Variants in FHIT observed in about 807,000 individuals in gnomAD.
FHIT encodes the protein bis(5'-adenosyl)-triphosphatase.
In FHIT, 19 loss-of-function variants were observed where a neutral mutation model predicts 17.9. That is an observed-to-expected ratio of 1.06 (90% CI 0.74 to 1.56). The LOEUF is 1.56. Among genes scored for constraint, FHIT ranks in the 40% most tolerant of loss-of-function variants. The probability of loss-of-function intolerance (pLI) is 0.00; values close to 1 mark genes in which losing one functional copy is unlikely to be tolerated. For missense variants in FHIT, 248 were observed against 189.2 expected (o/e 1.31, Z -1.82); for synonymous variants, 81 against 69.7 (o/e 1.16, Z -0.81).
intron 2 of FHIT, among the ~76,000 whole-genome samples, chr3:61,106,961 T>C (rs2106873715): frequency 6.6e-6 from 1 of 152,300 alleles, no homozygotes; most frequent in Non-Finnish European, 1.5e-5. Context: ...GCCTGGCCCA[T>C]CACATCATTT....
At chr3:59,911,115 TGTGTACA>T (rs1704851393) in intron 8 of FHIT, among the ~76,000 whole-genome samples, 1 of 152,240 alleles carries the variant, frequency 6.6e-6, no homozygotes, top group Non-Finnish European at 1.5e-5. Flanking sequence ...TCTGATTATT[TGTGTACA>T]GTGTTATATC....
chr3:60,715,673 A>G (rs2107949578), intron 4 of FHIT, among the ~76,000 whole-genome samples: 1 of 151,194 alleles, frequency 6.6e-6, no homozygotes, highest in East Asian at 2.0e-4. Flanking sequence ...CTAATGCTAA[A>G]TGATGAGTTA....
At chr3:60,175,765 G>T (rs1355158390) in intron 5 of FHIT, among the ~76,000 whole-genome samples, 1 of 152,116 alleles carries the variant, frequency 6.6e-6, no homozygotes, top group Non-Finnish European at 1.5e-5. Flanking sequence ...CACCAAGTTA[G>T]AAGCTGAAGC....
intron 3 of FHIT, among the ~76,000 whole-genome samples, chr3:60,861,442 G>T (rs1404764785): frequency 6.6e-6 from 1 of 150,716 alleles, no homozygotes; most frequent in African/African-American, 2.4e-5. Flanking sequence ...AGCATCCCTG[G>T]CCTCTATCCT....
chr3:60,259,551 A>C (rs1219750241), intron 5 of FHIT, among the ~76,000 whole-genome samples: 1 of 152,140 alleles, frequency 6.6e-6, no homozygotes, highest in Non-Finnish European at 1.5e-5. Context: ...GTTTTAAGGG[A>C]GTATCTTAAA....
At chr3:60,228,394 T>G (rs949761896) in intron 5 of FHIT, among the ~76,000 whole-genome samples, 1 of 152,070 alleles carries the variant, frequency 6.6e-6, no homozygotes, top group Non-Finnish European at 1.5e-5. Context: ...TAGACAGGAG[T>G]AGTTATGATT....
intron 2 of FHIT, among the ~76,000 whole-genome samples, chr3:61,113,057 G>A (rs2036206236): frequency 1.3e-5 from 2 of 151,972 alleles, no homozygotes; most frequent in African/African-American, 4.8e-5. Flanking sequence ...GGGCTGGAGT[G>A]CAGTGGTATG....
chr3:60,899,419 C>G (rs1340057083), intron 3 of FHIT, among the ~76,000 whole-genome samples: 5 of 152,148 alleles, frequency 3.3e-5, no homozygotes, highest in Admixed American at 2.0e-4. Context: ...CAAAGGGACC[C>G]CTGCAACGCC....
intron 5 of FHIT, among the ~76,000 whole-genome samples, chr3:60,329,917 T>C (rs980359802): frequency 2.0e-5 from 3 of 152,200 alleles, no homozygotes; most frequent in Non-Finnish European, 2.9e-5. Context: ...GGTAAGTAAA[T>C]GCTCCTGATG....
intron 5 of FHIT, among the ~76,000 whole-genome samples, chr3:60,531,694 T>C (rs1220308267): frequency 6.6e-6 from 1 of 152,220 alleles, no homozygotes; most frequent in Non-Finnish European, 1.5e-5. Context: ...CTGATTTTTA[T>C]GGAAGGACTA....
At chr3:60,078,445 G>A (rs1404288440) in intron 5 of FHIT, among the ~76,000 whole-genome samples, 4 of 152,038 alleles carry the variant, frequency 2.6e-5, no homozygotes, top group Admixed American at 2.6e-4. Flanking sequence ...ATTCTGAAAA[G>A]CAATAGGCTG....
intron 5 of FHIT, among the ~76,000 whole-genome samples, chr3:60,477,770 T>C (rs1241545600): frequency 6.6e-6 from 1 of 152,184 alleles, no homozygotes; most frequent in African/African-American, 2.4e-5. Flanking sequence ...GAGACCATAG[T>C]AAACATTTTT....
intron 5 of FHIT, among the ~76,000 whole-genome samples, chr3:60,078,549 T>G (rs1165645764): frequency 2.0e-5 from 3 of 152,144 alleles, no homozygotes; most frequent in Non-Finnish European, 4.4e-5. Context: ...AAACACAATG[T>G]GTGATCCTGG....
At chr3:60,757,162 A>G (rs1397434190) in intron 4 of FHIT, among the ~76,000 whole-genome samples, 1 of 143,538 alleles carries the variant, frequency 7.0e-6, no homozygotes, top group Non-Finnish European at 1.6e-5. Context: ...ATTTAGATAC[A>G]TTGGAGATAA....
chr3:60,926,369 G>A (rs1201710140), intron 3 of FHIT, among the ~76,000 whole-genome samples: 1 of 152,192 alleles, frequency 6.6e-6, no homozygotes, highest in African/African-American at 2.4e-5. Context: ...TCAGATCACA[G>A]TGCAATCAAA....
rs534613086 is a variant in FHIT, at chr3:60,214,543, G to A, written c.104-200391C>T. ...TGCTGGTGAGGCGACAGAGTAAAGG[G>A]AACACTTACATACTGCTGGTAGGAA... On this transcript the variant is annotated intron_variant, in intron 5 of 9. Transcript: ENST00000492590. Among the ~76,000 whole-genome samples the A allele has an allele frequency of 1.1e-4, 16 of 152,218 alleles. No homozygotes were observed. The East Asian group carries it at 1.9e-3, about 18-fold the overall frequency.
At chr3:60,151,875 TC>T (rs1700481014) in intron 5 of FHIT, among the ~76,000 whole-genome samples, 2 of 152,188 alleles carry the variant, frequency 1.3e-5, no homozygotes, top group Admixed American at 1.3e-4. Context: ...CTTATTTTCC[TC>T]CTAGCACCTG....
intron 8 of FHIT, among the ~76,000 whole-genome samples, chr3:59,868,589 A>T (rs550595372): frequency 6.6e-6 from 1 of 152,318 alleles, no homozygotes; most frequent in East Asian, 1.9e-4. Context: ...GCAATACAGA[A>T]CCTCAAACAA....
At chr3:59,812,144 G>C (rs1002974522) in intron 8 of FHIT, among the ~76,000 whole-genome samples, 4 of 152,134 alleles carry the variant, frequency 2.6e-5, no homozygotes, top group African/African-American at 9.7e-5. Flanking sequence ...CAGAGACTAG[G>C]AATGTTGCCA....
Sources: allele counts gnomAD v4.1 joint callset (sites outside exome capture counted in the v4.1 genomes callset), GRCh38; gene constraint gnomAD v4.1.1; transcripts MANE v1.5; gene names NCBI Gene and HGNC (gene_info 2026-07-23, HGNC 2026-07-21).